Variants in PRDM2 observed in about 807,000 individuals in gnomAD.
PRDM2 encodes the protein PR domain zinc finger protein 2.
PRDM2 carries 30 observed loss-of-function variants against 130.0 expected under a neutral mutation model. The observed-to-expected ratio is 0.23, with a 90% CI of 0.17 to 0.31. The LOEUF (loss-of-function observed/expected upper bound fraction) is 0.31, where lower values mean the gene tolerates loss of function less well. Among genes scored for constraint, PRDM2 ranks in the 10% least tolerant of loss-of-function variants. PRDM2 has a pLI of 1.00. For synonymous variants in PRDM2, 871 were observed against 782.4 expected, an observed-to-expected ratio of 1.11 and a Z score of -1.89; for missense variants, 2,011 against 2,108.4, an observed-to-expected ratio of 0.95 and a Z score of 0.90.
At chr1:13,822,951 G>A (rs958045541) in intron 9 of PRDM2, among the ~76,000 whole-genome samples, 1 of 152,108 alleles carries the variant, frequency 6.6e-6, no homozygotes, top group Non-Finnish European at 1.5e-5. Context: ...GCTGATGGGC[G>A]GCTGTCACAT....
At chr1:13,783,060 G>A in intron 8 of PRDM2, 1 of 971,110 alleles carries the variant, frequency 1.0e-6, no homozygotes, top group South Asian at 1.5e-5. Flanking sequence ...CTTCTTTAAT[G>A]TGGCCAGATG....
Position 13,807,252 on chromosome 1 carries a change from T to C in PRDM2, c.5037-9175T>C, listed in dbSNP as rs372287885. 2.6e-5 allele frequency among the ~76,000 whole-genome samples: 4 copies of C among 152,328 alleles called. No homozygotes were observed. In the East Asian group the frequency reaches 5.8e-4, roughly 22 times the overall value. Reference sequence around the variant, plus strand: ...GCTATATGTAGAGAACTTGACTTGTTTTATTCACTAAAACTCCTGTTGGCA... The same window carrying C: ...GCTATATGTAGAGAACTTGACTTGTCTTATTCACTAAAACTCCTGTTGGCA... On this transcript the variant is annotated intron_variant, in intron 8 of 9. Coordinates refer to ENST00000311066, the MANE Select transcript of PRDM2 (RefSeq NM_001393986.1).
intron 7 of PRDM2, among the ~76,000 whole-genome samples, chr1:13,776,555 A>G (rs897010751): frequency 2.0e-5 from 3 of 152,246 alleles, no homozygotes; most frequent in Admixed American, 6.5e-5. Flanking sequence ...AAGAGTTGCT[A>G]ATAGTCTCCC....
intron 8 of PRDM2, among the ~76,000 whole-genome samples, chr1:13,796,942 G>GT (rs1644932170): frequency 6.6e-6 from 1 of 152,198 alleles, no homozygotes; most frequent in Non-Finnish European, 1.5e-5. Context: ...CGAAACAAAA[G>GT]TTTGGGTAAA....
intron 7 of PRDM2, chr1:13,773,733 A>T: frequency 6.6e-6 from 1 of 152,140 alleles, no homozygotes; most frequent in East Asian, 1.9e-4. Context: ...AAATAATGAT[A>T]ATAAAATGAA....
chr1:13,813,887 GGCT>G (rs1280799650), intron 8 of PRDM2, among the ~76,000 whole-genome samples: 1 of 152,216 alleles, frequency 6.6e-6, no homozygotes, highest in Non-Finnish European at 1.5e-5. Flanking sequence ...CACACTGGCT[GGCT>G]AGAGAGGCCT....
intron 8 of PRDM2, among the ~76,000 whole-genome samples, chr1:13,802,198 G>A (rs993936113): frequency 6.6e-6 from 1 of 152,164 alleles, no homozygotes; most frequent in Non-Finnish European, 1.5e-5. Context: ...TTTGGGCAGC[G>A]TCATCCCCGT....
chr1:13,813,282 C>CT (rs1473640140), intron 8 of PRDM2, among the ~76,000 whole-genome samples: 1 of 152,176 alleles, frequency 6.6e-6, no homozygotes, highest in Non-Finnish European at 1.5e-5. Context: ...AGGCTCTGCG[C>CT]TAACTGCTAC....
intron 5 of PRDM2, among the ~76,000 whole-genome samples, chr1:13,747,769 C>CAAAAAAAAAAAAA (rs78988090): frequency 6.2e-5 from 3 of 48,396 alleles, no homozygotes; most frequent in Non-Finnish European, 1.4e-4. Context: ...TCCCTCCCCG[C>CAAAAAAAAAAAAA]AAAAAAAAAA....
At chr1:13,704,780 C>G (rs557355503) in intron 1 of PRDM2, 1 of 152,290 alleles carries the variant, frequency 6.6e-6, no homozygotes, top group South Asian at 2.1e-4. Context: ...CCCTTATATA[C>G]TTCAGTATGA....
chr1:13,723,836 C>T (rs2100445032), intron 2 of PRDM2, among the ~76,000 whole-genome samples: 1 of 152,320 alleles, frequency 6.6e-6, no homozygotes, highest in Non-Finnish European at 1.5e-5. Context: ...CATTTGTTTG[C>T]CCGTTCGCAG....
intron 5 of PRDM2, among the ~76,000 whole-genome samples, chr1:13,748,614 G>GT (rs1557616617): frequency 1.3e-5 from 2 of 152,164 alleles, no homozygotes; most frequent in African/African-American, 4.8e-5. Flanking sequence ...GCACTCAGTG[G>GT]ATCTTTTCTT....
chr1:13,782,185 T>G lies in PRDM2; in HGVS notation c.4390T>G (p.Phe1464Val). The G allele has an allele frequency of 2.5e-6, 4 of 1,612,880 alleles. No homozygotes were observed. Among genetic ancestry groups the G allele is most frequent in the Non-Finnish European group, 3.4e-6 (4 of 1,179,690 alleles). The change falls in exon 8 of 10, where the codon TTC becomes GTC. Residue 1464 changes from phenylalanine to valine, a missense_variant. By Grantham distance (50) the Phe-to-Val change is conservative (BLOSUM62 -1). Around this residue, in one of 5 missense-constraint regions of PRDM2, gnomAD observed 410 missense variants for 395.9 expected, o/e 1.04. Coordinates refer to ENST00000311066, the MANE Select transcript of PRDM2 (RefSeq NM_001393986.1). Reference sequence around the variant, plus strand: ...CATCTGCCCTTACTGTAATCGAGAGTTCACTTACATTGGAAGCCTGAATAA... The same window carrying G: ...CATCTGCCCTTACTGTAATCGAGAGGTCACTTACATTGGAAGCCTGAATAA... ...SHICPYCNRE[F>V]TYIGSLNKHA...
At chr1:13,702,527 T>G (rs1473344710) in intron 1 of PRDM2, among the ~76,000 whole-genome samples, 1 of 152,226 alleles carries the variant, frequency 6.6e-6, no homozygotes, top group Non-Finnish European at 1.5e-5. Context: ...TCATAAGAAG[T>G]AACACTCAAT....
In PRDM2 at chr1:13,779,234, A is replaced by G. The variant is rs1298753655; in HGVS notation, c.1439A>G (p.Lys480Arg). Residue 480 changes from lysine (K) to arginine (R), a missense_variant, in exon 8 of 10, where the codon AAA (lysine) becomes AGA (arginine). This residue lies in a region of PRDM2 where 1,288 missense variants were observed against 1,237.7 expected (regional missense o/e 1.04). Coordinates refer to ENST00000311066, the MANE Select transcript of PRDM2 (RefSeq NM_001393986.1). This position sits in a 1 kb window ranked among gnomAD's most constrained non-coding sequence, Gnocchi z 4.9. The part of the protein sequence containing the change: ...SSVVEENGEV[K>R]ELHPCKYCKK... ...GTCGTAGAAGAGAATGGGGAAGTTA[A>G]AGAACTTCATCCGTGCAAATATTGT... is the stretch of plus-strand genomic sequence containing the variant. 5.6e-6 allele frequency: 9 copies of G among 1,614,096 alleles called. No homozygotes were observed. The highest frequency in any genetic ancestry group is 7.6e-6 in the Non-Finnish European group (9 of 1,180,028).
chr1:13,741,528 C>T (rs937248733), intron 4 of PRDM2, among the ~76,000 whole-genome samples: 1 of 152,170 alleles, frequency 6.6e-6, no homozygotes, highest in Non-Finnish European at 1.5e-5. Flanking sequence ...TTGTATAGCC[C>T]TGCAGGGCCA....
chr1:13,723,707 C>T (rs1642810284), intron 2 of PRDM2, among the ~76,000 whole-genome samples: 2 of 152,192 alleles, frequency 1.3e-5, no homozygotes, highest in South Asian at 4.1e-4. Flanking sequence ...CGGCTGTTCT[C>T]TCCTCTGCTT....
At chr1:13,775,728 C>T (rs1644461286) in intron 7 of PRDM2, among the ~76,000 whole-genome samples, 1 of 152,184 alleles carries the variant, frequency 6.6e-6, no homozygotes, top group Non-Finnish European at 1.5e-5. Context: ...GCAGGCCTCT[C>T]AGATCGTGAG....
In PRDM2 at chr1:13,779,023, C is replaced by G. The variant is rs780178517; in HGVS notation, c.1228C>G (p.Arg410Gly). The change falls in exon 8 of 10, where the codon CGG becomes GGG. Residue 410 changes from arginine to glycine, a missense_variant. By Grantham distance (125) the Arg-to-Gly change is moderately radical (BLOSUM62 -2). This residue lies in a region of PRDM2 where 1,288 missense variants were observed against 1,237.7 expected (regional missense o/e 1.04). Coordinates refer to ENST00000311066, the MANE Select transcript of PRDM2 (RefSeq NM_001393986.1). The surrounding 1 kb of genome is among the most constrained non-coding windows in gnomAD (Gnocchi z 4.9). ...ACAGATTAACCGGCGGCGACATGAG[C>G]GGCGCCATGAAGCAGGGTTAAAGCG... is the stretch of plus-strand genomic sequence containing the variant. The part of the protein sequence containing the change: ...GTQINRRRHE[R>G]RHEAGLKRKP... 1.2e-6 allele frequency: 2 copies of G among 1,614,118 alleles called. No homozygotes were observed. The highest frequency in any genetic ancestry group is 1.7e-6 in the Non-Finnish European group (2 of 1,180,010).
Sources: allele counts gnomAD v4.1 joint callset (sites outside exome capture counted in the v4.1 genomes callset), GRCh38; gene constraint gnomAD v4.1.1; regional missense constraint gnomAD v4.1.1; non-coding constraint Gnocchi (gnomAD v3.1); transcripts MANE v1.5; gene names NCBI Gene and HGNC (gene_info 2026-07-23, HGNC 2026-07-21).